SNAPC5: variants seen among roughly 807,000 people sequenced by gnomAD.
SNAPC5 encodes the protein small nuclear RNA activating complex polypeptide 5, also known as snRNA-activating protein complex subunit 5.
A neutral mutation model predicts 9.1 loss-of-function variants in SNAPC5; 12 were observed. The ratio of observed to expected loss-of-function variants is 1.32; its 90% CI spans 0.85 to 2.15. SNAPC5 has a LOEUF of 2.15. Ranked by LOEUF, SNAPC5 falls within the 30% of genes most tolerant of loss-of-function variation. SNAPC5 has a pLI of 0.00. For synonymous variants in SNAPC5, 52 were observed against 47.3 expected (o/e 1.10, Z -0.41); for missense variants, 132 against 114.4 (o/e 1.15, Z -0.70).
intron 1 of SNAPC5, among the ~76,000 whole-genome samples, chr15:66,495,926 T>C (rs1328464122): frequency 2.0e-5 from 3 of 152,236 alleles, no homozygotes; most frequent in African/African-American, 7.2e-5. Context: ...GAGGGCATTA[T>C]GACTTCCCTA....
At position 66,494,492 on chromosome 15, in the gene SNAPC5, T is replaced by C. The variant is rs1218609611; in HGVS notation, c.241A>G (p.Lys81Glu). 2.5e-6 allele frequency: 4 copies of C among 1,613,978 alleles called. No homozygotes were observed. Among genetic ancestry groups the C allele is most frequent in the Non-Finnish European group, 3.4e-6 (4 of 1,180,020 alleles). Residue 81 changes from lysine (K) to glutamate (E), a missense_variant, in exon 3 of 3, where the codon AAG becomes GAG. Physicochemically the swap from Lys to Glu is moderately conservative, Grantham distance 56. Coordinates refer to ENST00000316634, the MANE Select transcript of SNAPC5 (RefSeq NM_001329615.2). Reference protein sequence around the residue: ...INQTTLELSTKSHVTEEEEEE... With the variant: ...INQTTLELSTESHVTEEEEEE... ...TCCTCCTCTTCCGTCACATGACTCT[T>C]TGTGCTCAGCTCCAGGGTTGTTTGG...
Position 66,497,697 on chromosome 15 carries a change from T to G in SNAPC5, c.35A>C (p.Glu12Ala), listed in dbSNP as rs143176301. ...TGCCTTCAACCGCAGCAGCGTCTCCTCCTCCTTGCGCAGTTCCTGAAGCCG... is the reference window on the plus strand; with the variant it reads ...TGCCTTCAACCGCAGCAGCGTCTCCGCCTCCTTGCGCAGTTCCTGAAGCCG... Reference protein sequence around the residue: ...LSRLQELRKEEETLLRLKAAL... With the variant: ...LSRLQELRKEAETLLRLKAAL... Residue 12 changes from glutamate (E) to alanine (A), a missense_variant, in exon 1 of 3, where the codon GAG becomes GCG. By Grantham distance (107) the Glu-to-Ala change is moderately radical. Transcript: ENST00000316634. 3 of 1,613,626 alleles carry G rather than the reference T, an allele frequency of 1.9e-6. No homozygotes were observed. In the Admixed American group the frequency reaches 5.0e-5, roughly 27 times the overall value.
At chr15:66,494,642 A>C in intron 2 of SNAPC5, 90 bp from the exon 3 acceptor site, 1 of 881,546 alleles carries the variant, frequency 1.1e-6, no homozygotes. Context: ...TCAGATCTCA[A>C]TTGCATATCT....
intron 2 of SNAPC5, 148 bp from the exon 3 acceptor site, chr15:66,494,700 C>T: frequency 1.7e-6 from 1 of 591,346 alleles, no homozygotes; most frequent in East Asian, 2.8e-5. Context: ...CCTTTTATAC[C>T]CCCACCTCCA....
chr15:66,489,848 C>T (rs569157090), downstream of SNAPC5: 15 of 1,109,040 alleles, frequency 1.4e-5, no homozygotes, highest in South Asian at 1.5e-4. Flanking sequence ...ACTTCCAGAG[C>T]CCATTCATTC....
At chr15:66,495,554 A>G (rs1226013368) in intron 1 of SNAPC5, 135 bp from the exon 2 acceptor site, 9 of 633,062 alleles carry the variant, frequency 1.4e-5, no homozygotes, top group South Asian at 1.1e-4. Flanking sequence ...CTCTAGAGGG[A>G]AAGTTGAGGG....
downstream of SNAPC5, chr15:66,491,505 A>G (rs138560168): frequency 3.4e-3 from 680 of 201,360 alleles, 3 homozygotes; most frequent in Non-Finnish European, 5.4e-3. Context: ...TCTTATTCTA[A>G]TAAATATACT....
intron 1 of SNAPC5, 49 bp downstream of exon 1, chr15:66,497,593 G>A (rs1390020361): frequency 6.5e-7 from 1 of 1,543,020 alleles, no homozygotes; most frequent in East Asian, 2.2e-5. Context: ...GGGGGGAAAT[G>A]GTCGCTCGGG....
intron 1 of SNAPC5, among the ~76,000 whole-genome samples, chr15:66,495,902 A>G (rs1056245191): frequency 1.3e-5 from 2 of 152,206 alleles, no homozygotes; most frequent in Non-Finnish European, 2.9e-5. Context: ...GCAATATAGA[A>G]ACACAAATAA....
chr15:66,495,051 A>T lies in SNAPC5; in HGVS notation c.180+279T>A, dbSNP rs1188188656. On this transcript the variant is annotated intron_variant, in intron 2 of 2. Transcript: ENST00000316634. ...TTGACATCGTCCTACAAAAATCTCC[A>T]CTCTCCCCCGGGTTCATCTGAGTAA... 12 of 449,344 alleles carry T rather than the reference A, an allele frequency of 2.7e-5. No individual in the cohort carries two copies. In the East Asian group the frequency reaches 2.8e-4, roughly 10 times the overall value. The allele number at this position is 449,344 out of a possible 1,614,324, so 27.8% of individuals were successfully genotyped here.
At chr15:66,497,205 T>C (rs1347976194) in intron 1 of SNAPC5, among the ~76,000 whole-genome samples, 2 of 151,874 alleles carry the variant, frequency 1.3e-5, no homozygotes, top group African/African-American at 4.8e-5. Flanking sequence ...GATCTAGGAG[T>C]TCCTTCTGGC....
At chr15:66,492,544 CTT>C (rs969038739), downstream of SNAPC5, among the ~76,000 whole-genome samples, 25 of 152,036 alleles carry the variant, frequency 1.6e-4, no homozygotes, top group African/African-American at 6.0e-4. Flanking sequence ...CACTGTGTGT[CTT>C]TTACAAATGA....
chr15:66,493,815 C>G lies in SNAPC5; in HGVS notation c.*621G>C, dbSNP rs562933591. On this transcript the variant is annotated 3_prime_UTR_variant, in exon 3 of 3. Transcript: ENST00000316634. ...TCGCTATCTAGAAACCAGCAGGCTC[C>G]ATGATGGCTACTTATAAATTTATTT... is the stretch of plus-strand genomic sequence containing the variant. 3.6e-4 allele frequency: 44 copies of G among 121,662 alleles called. No homozygotes were observed. Among genetic ancestry groups the G allele is most frequent in the African/African-American group, 1.3e-3 (40 of 30,948 alleles). 7.5% of individuals were successfully genotyped at this position (121,662 alleles called of 1,614,324 possible).
downstream of SNAPC5, chr15:66,490,829 T>C: frequency 1.6e-6 from 1 of 632,308 alleles, no homozygotes; most frequent in South Asian, 1.7e-5. Context: ...GGATTGGCTT[T>C]GTGCTTGGGG....
intron 1 of SNAPC5, 71 bp downstream of exon 1, chr15:66,497,571 G>C (rs760645370): frequency 7.2e-7 from 1 of 1,388,986 alleles, no homozygotes; most frequent in Non-Finnish European, 1.0e-6. Context: ...GGTCACCACA[G>C]AGGCCCAGGT....
downstream of SNAPC5, chr15:66,491,375 G>A (rs949465115): frequency 2.6e-5 from 6 of 232,488 alleles, no homozygotes; most frequent in East Asian, 6.2e-5. Flanking sequence ...ATATTAAAAT[G>A]TCGGATTTAT....
downstream of SNAPC5, chr15:66,491,291 T>G (rs1416771374): frequency 4.3e-6 from 1 of 235,244 alleles, no homozygotes; most frequent in East Asian, 6.1e-5. Flanking sequence ...GTGGGATACT[T>G]AGTGGTATGT....
At chr15:66,495,882 G>A (rs1411866354) in intron 1 of SNAPC5, among the ~76,000 whole-genome samples, 1 of 152,234 alleles carries the variant, frequency 6.6e-6, no homozygotes, top group East Asian at 1.9e-4. Context: ...GTACTTGTAA[G>A]GGTACCGTGG....
downstream of SNAPC5, chr15:66,490,132 A>G (rs575080014): frequency 3.6e-4 from 183 of 512,790 alleles, 1 homozygote; most frequent in African/African-American, 3.3e-3. Context: ...TGGCAGTGGA[A>G]ATAGCTAAGT....
Sources: allele counts gnomAD v4.1 joint callset (sites outside exome capture counted in the v4.1 genomes callset), GRCh38; gene constraint gnomAD v4.1.1; transcripts MANE v1.5; gene names NCBI Gene and HGNC (gene_info 2026-07-23, HGNC 2026-07-21).